Variants in TRAP1 observed in about 807,000 individuals in gnomAD.
The protein encoded by TRAP1 is heat shock protein 75 kDa, mitochondrial.
TRAP1 carries 102 observed loss-of-function variants against 89.1 expected under a neutral mutation model. That is an observed-to-expected ratio of 1.15 (90% CI 0.98 to 1.35). TRAP1 has a LOEUF of 1.35. TRAP1 is among the 40% of genes most tolerant of loss of function. The pLI, the probability that TRAP1 is intolerant of heterozygous loss-of-function variation, is 0.00. For missense variants in TRAP1, 1,256 were observed against 945.3 expected, an observed-to-expected ratio of 1.33 and a Z score of -4.31; for synonymous variants, 508 against 388.0, an observed-to-expected ratio of 1.31 and a Z score of -3.64.
At chr16:3,680,817 C>T (rs1357299847) in intron 4 of TRAP1, among the ~76,000 whole-genome samples, 1 of 152,166 alleles carries the variant, frequency 6.6e-6, no homozygotes, top group East Asian at 1.9e-4. Context: ...CCTGCCCCTT[C>T]CACCTTCTGT....
At chr16:3,676,183 G>GATTTTTGTCCCGGTTCTA in intron 6 of TRAP1, 38 bp from the exon 7 acceptor site, 2 of 1,575,594 alleles carry the variant, frequency 1.3e-6, no homozygotes, top group Non-Finnish European at 1.7e-6. Context: ...AGGTGGATGT[G>GATTTTTGTCCCGGTTCTA]ACACTGGGAC....
intron 11 of TRAP1, among the ~76,000 whole-genome samples, chr16:3,668,098 T>G (rs1480618216): frequency 6.6e-6 from 1 of 151,908 alleles, no homozygotes. Context: ...TGGCTAAAAT[T>G]TTGTGTTTTT....
chr16:3,704,628 G>A (rs1421840995), intron 1 of TRAP1, among the ~76,000 whole-genome samples: 1 of 152,148 alleles, frequency 6.6e-6, no homozygotes, highest in Non-Finnish European at 1.5e-5. Context: ...GGCAGGAGGA[G>A]GCTCCCTCGA....
At chr16:3,670,982 A>C (rs2050905538) in intron 11 of TRAP1, among the ~76,000 whole-genome samples, 1 of 151,392 alleles carries the variant, frequency 6.6e-6, no homozygotes, top group Non-Finnish European at 1.5e-5. Context: ...AATTACCCAG[A>C]CTCATCCTTT....
intron 9 of TRAP1, among the ~76,000 whole-genome samples, chr16:3,673,899 G>C (rs1433392737): frequency 6.6e-6 from 1 of 152,048 alleles, no homozygotes; most frequent in Non-Finnish European, 1.5e-5. Context: ...TTCCCAGAGC[G>C]CCTGGCAGGA....
intron 4 of TRAP1, among the ~76,000 whole-genome samples, chr16:3,681,321 T>C (rs8053356): frequency 0.033 from 5,033 of 152,272 alleles, 255 homozygotes; most frequent in African/African-American, 0.11. Context: ...GCTGTCTCCA[T>C]TGGCAAAGCA....
intron 11 of TRAP1, among the ~76,000 whole-genome samples, chr16:3,668,728 G>A (rs1048901501): frequency 2.0e-5 from 3 of 152,182 alleles, no homozygotes; most frequent in East Asian, 3.8e-4. Context: ...CAGCATGCCT[G>A]CCACAGCCAG....
At position 3,671,638 on chromosome 16, in the gene TRAP1, C is replaced by A. The variant is rs2050914023; in HGVS notation, c.1235+84G>T. 3.4e-6 allele frequency: 5 copies of A among 1,469,878 alleles called. No homozygotes were observed. In the Admixed American group the frequency reaches 7.5e-5, roughly 22 times the overall value. The allele number at this position is 1,469,878 out of a possible 1,614,324, so 91.1% of individuals were successfully genotyped here. A position where few individuals can be genotyped will look rare whatever the true frequency, so the allele number is the denominator to read the frequency against. The stretch of plus-strand genomic sequence containing the variant: ...CCACCTCTGCTCTCAGCTCCATGGG[C>A]CACGGCTAGGGCCCTCTGGGGGCAA... On this transcript the variant is annotated intron_variant, in intron 11 of 17. Transcript: ENST00000246957.
At chr16:3,714,453 G>T (rs1337279075) in intron 1 of TRAP1, among the ~76,000 whole-genome samples, 1 of 152,180 alleles carries the variant, frequency 6.6e-6, no homozygotes, top group Admixed American at 6.5e-5. Context: ...GAGGTCAGGA[G>T]TTCGAGACCA....
At chr16:3,691,942 C>T (rs1387998652) in intron 1 of TRAP1, among the ~76,000 whole-genome samples, 2 of 152,146 alleles carry the variant, frequency 1.3e-5, no homozygotes, top group African/African-American at 4.8e-5. Context: ...CAATGTGTCC[C>T]CAGCCGCACG....
rs768331869 is a variant in TRAP1 at position 3,690,864 on chromosome 16, G to A, written c.210C>T (p.Pro70=). The part of the protein sequence containing the change: ...STQTAEDKEE[P]LHSIISSTES... ...CTGTGCTGCTGATAATCGAGTGCAG[G>A]GGTTCCTCCTTGTCCTCGGCGGTCT... The change falls in exon 2 of 18, where the codon CCC becomes CCT. Residue 70 remains proline, a synonymous_variant. Coordinates refer to ENST00000246957, the MANE Select transcript of TRAP1 (RefSeq NM_016292.3). 2 of 1,573,574 alleles carry A rather than the reference G, an allele frequency of 1.3e-6. No individual in the cohort carries two copies. Among genetic ancestry groups the A allele is most frequent in the Admixed American group, 3.7e-5 (2 of 54,790 alleles).
chr16:3,662,762 C>A (rs1159258337), intron 15 of TRAP1, 120 bp downstream of exon 15: 1 of 934,826 alleles, frequency 1.1e-6, no homozygotes, highest in East Asian at 2.6e-5. Flanking sequence ...CCACCTGACA[C>A]CAAGGGCTTC....
intron 1 of TRAP1, among the ~76,000 whole-genome samples, chr16:3,703,043 G>GGA (rs564433883): frequency 0.2 from 8,857 of 44,468 alleles, 728 homozygotes; most frequent in South Asian, 0.33. Context: ...ACTCCGTCTT[G>GGA]AAAAAAAAAA....
chr16:3,684,789 C>T (rs1054620581), intron 4 of TRAP1, among the ~76,000 whole-genome samples: 1 of 151,740 alleles, frequency 6.6e-6, no homozygotes, highest in Non-Finnish European at 1.5e-5. Flanking sequence ...CACTCTGTCT[C>T]CAAAAAAAAG....
At chr16:3,697,913 C>T (rs1011487664) in intron 1 of TRAP1, among the ~76,000 whole-genome samples, 5 of 151,716 alleles carry the variant, frequency 3.3e-5, no homozygotes, top group African/African-American at 4.8e-5. Context: ...CTCAGCCTCC[C>T]AAGTAGCTGG....
intron 3 of TRAP1, among the ~76,000 whole-genome samples, chr16:3,687,672 C>G (rs1000940189): frequency 6.6e-6 from 1 of 151,868 alleles, no homozygotes; most frequent in Non-Finnish European, 1.5e-5. Context: ...TCACCTCAGC[C>G]CAGGAGTTCA....
At chr16:3,668,259 C>T (rs1474292422) in intron 11 of TRAP1, among the ~76,000 whole-genome samples, 1 of 151,676 alleles carries the variant, frequency 6.6e-6, no homozygotes, top group Non-Finnish European at 1.5e-5. Flanking sequence ...GGGGTTTTAC[C>T]ATGTTGGCTA....
intron 11 of TRAP1, among the ~76,000 whole-genome samples, chr16:3,668,747 C>T (rs535133289): frequency 6.6e-6 from 1 of 152,348 alleles, no homozygotes; most frequent in East Asian, 1.9e-4. Flanking sequence ...AGGAATGCAG[C>T]TCCCTTACTG....
At chr16:3,683,346 T>C (rs2051097486) in intron 4 of TRAP1, among the ~76,000 whole-genome samples, 1 of 151,666 alleles carries the variant, frequency 6.6e-6, no homozygotes, top group African/African-American at 2.4e-5. Context: ...AATATATCCA[T>C]ACCGGTTGAT....
Sources: gnomAD v4.1 joint callset for allele counts (sites outside exome capture counted in the v4.1 genomes callset) on GRCh38, gnomAD v4.1.1 for gene constraint, MANE v1.5 for transcripts, NCBI Gene and HGNC (gene_info 2026-07-23, HGNC 2026-07-21) for gene names.